PHTF1: variants seen among roughly 807,000 people sequenced by gnomAD.
The protein encoded by PHTF1 is protein PHTF1.
Under a neutral mutation model 102.4 loss-of-function variants are expected in PHTF1, and 88 were observed. The observed-to-expected ratio is 0.86, with a 90% CI of 0.72 to 1.03. PHTF1 has a LOEUF of 1.03. PHTF1 is among the 50% of genes least tolerant of loss of function. The pLI, the probability that PHTF1 is intolerant of heterozygous loss-of-function variation, is 0.00. For missense variants in PHTF1, 814 were observed against 909.5 expected (o/e 0.89, Z 1.35); for synonymous variants, 289 against 305.2 (o/e 0.95, Z 0.55).
intron 7 of PHTF1, among the ~76,000 whole-genome samples, chr1:113,717,489 A>G (rs1458673534): frequency 6.6e-6 from 1 of 152,238 alleles, no homozygotes; most frequent in Non-Finnish European, 1.5e-5. Flanking sequence ...ACTTTATAAA[A>G]GATACACACA....
At chr1:113,755,349 T>C (rs182675438) in intron 3 of PHTF1, among the ~76,000 whole-genome samples, 9 of 152,330 alleles carry the variant, frequency 5.9e-5, no homozygotes, top group Non-Finnish European at 1.3e-4. Context: ...GTGAAACCCA[T>C]GAAGGCAACA....
Position 113,735,288 on chromosome 1 carries a change from C to T in PHTF1, c.331+2822G>A, listed in dbSNP as rs140918791. On this transcript the variant is annotated intron_variant, in intron 5 of 18. Transcript: ENST00000369604. ...GGCTGAGGCAAGAGAATCACTTGAA[C>T]CTGGGAGGCAGAGGTTGCAGTGAGC... Among the ~76,000 whole-genome samples the T allele has an allele frequency of 3.3e-3, 466 of 140,828 alleles. 2 individuals carry two copies. Among genetic ancestry groups the T allele is most frequent in the African/African-American group, 0.011 (426 of 37,104 alleles). The allele number at this position is 140,828 out of a possible 152,430, so 92.4% of individuals were successfully genotyped here.
Position 113,697,732 on chromosome 1 carries a change from GAAC to G in PHTF1, c.2269-10_2269-8del. ...ATGATTTAATTTTCCACAGCTAAGA[GAAC>G]AAAATCACCAAAATAAGTTAGTTCT... On this transcript the variant is annotated splice_polypyrimidine_tract_variant and splice_region_variant and intron_variant, in intron 18 of 18. Transcript: ENST00000369604. 6.2e-7 allele frequency: 1 copy of G among 1,601,904 alleles called. No individual in the cohort carries two copies. Among genetic ancestry groups the G allele is most frequent in the Non-Finnish European group, 8.6e-7 (1 of 1,169,078 alleles).
intron 7 of PHTF1, among the ~76,000 whole-genome samples, chr1:113,722,071 G>C (rs1653042024): frequency 6.6e-6 from 1 of 152,114 alleles, no homozygotes; most frequent in Admixed American, 6.6e-5. Context: ...ATTTCTAATA[G>C]TTTCAAATAA....
intron 10 of PHTF1, among the ~76,000 whole-genome samples, chr1:113,710,810 ATTTTTTT>A (rs71590573): frequency 8.2e-6 from 1 of 122,686 alleles, no homozygotes; most frequent in African/African-American, 3.0e-5. Flanking sequence ...ATATATATAT[ATTTTTTT>A]TTTTTTTTTG....
intron 7 of PHTF1, among the ~76,000 whole-genome samples, chr1:113,717,154 TA>T (rs1246358491): frequency 6.6e-6 from 1 of 151,828 alleles, no homozygotes; most frequent in African/African-American, 2.4e-5. Flanking sequence ...GTTACCAGTT[TA>T]AAAAAATAGG....
Position 113,704,575 on chromosome 1 carries a change from C to CAG in PHTF1, c.1803+89_1803+90dup, listed in dbSNP as rs1336377010. ...CTGCTGCTATAATCTGCCTGACACCCAGAACTACACTGTCTACTGAGTAAC... is the reference window on the plus strand; with the variant it reads ...CTGCTGCTATAATCTGCCTGACACCCAGAGAACTACACTGTCTACTGAGTAAC... On this transcript the variant is annotated intron_variant, in intron 14 of 18. Transcript: ENST00000369604. The CAG allele has an allele frequency of 3.5e-6, 3 of 868,434 alleles. No individual in the cohort carries two copies. In the African/African-American group the frequency reaches 5.2e-5, roughly 15 times the overall value. 53.8% of individuals were successfully genotyped at this position (868,434 alleles called of 1,614,324 possible). A position where few individuals can be genotyped will look rare whatever the true frequency, so the allele number is the denominator to read the frequency against.
intron 5 of PHTF1, among the ~76,000 whole-genome samples, chr1:113,731,741 A>C (rs750189118): frequency 4.6e-5 from 7 of 151,566 alleles, no homozygotes; most frequent in African/African-American, 9.7e-5. Context: ...CTAAAAATAC[A>C]AAAAAATTTG....
intron 7 of PHTF1, 34 bp downstream of exon 7, chr1:113,724,723 TAC>T (rs1557936479): frequency 6.5e-7 from 1 of 1,535,390 alleles, no homozygotes; most frequent in East Asian, 2.2e-5. Flanking sequence ...CTGTAAACAC[TAC>T]GTGAATACAA....
chr1:113,731,374 T>C (rs1654608535), intron 5 of PHTF1, among the ~76,000 whole-genome samples: 1 of 149,312 alleles, frequency 6.7e-6, no homozygotes, highest in Non-Finnish European at 1.5e-5. Flanking sequence ...CTCTAAAAAA[T>C]AAAAAATAAA....
Position 113,696,890 on chromosome 1 carries a change from G to T in PHTF1, c.*815C>A, listed in dbSNP as rs562728867. 8 of 152,274 alleles carry T rather than the reference G, an allele frequency of 5.3e-5. No homozygotes were observed. The highest frequency in any genetic ancestry group is 1.7e-4 in the African/African-American group (7 of 41,562). 9.4% of individuals were successfully genotyped at this position (152,274 alleles called of 1,614,324 possible). On this transcript the variant is annotated 3_prime_UTR_variant, in exon 19 of 19. Transcript: ENST00000369604. ...GTTGCACAACTGATAAACTATCAAT[G>T]ATGCTTGTGATAGGACACATAGCAC...
At chr1:113,723,903 A>T (rs1419669308) in intron 7 of PHTF1, among the ~76,000 whole-genome samples, 3 of 151,958 alleles carry the variant, frequency 2.0e-5, no homozygotes, top group African/African-American at 4.8e-5. Flanking sequence ...AGAATATATA[A>T]GGAGTTCAAA....
intron 5 of PHTF1, 107 bp from the exon 6 acceptor site, chr1:113,726,681 C>T: frequency 2.7e-6 from 2 of 740,576 alleles, no homozygotes; most frequent in Non-Finnish European, 4.1e-6. Flanking sequence ...TAAAAAAGTA[C>T]ACAAATAAAT....
chr1:113,715,834 A>G (rs1651930756), intron 7 of PHTF1, among the ~76,000 whole-genome samples: 1 of 151,432 alleles, frequency 6.6e-6, no homozygotes, highest in Admixed American at 6.6e-5. Context: ...GAAGAAATGC[A>G]TCAGAGTCTC....
intron 11 of PHTF1, among the ~76,000 whole-genome samples, chr1:113,709,665 A>G (rs557368110): frequency 1.6e-4 from 25 of 152,326 alleles, no homozygotes; most frequent in African/African-American, 5.3e-4. Context: ...GTATTATGCT[A>G]TGTACTTTAT....
At chr1:113,718,292 G>A (rs886352986) in intron 7 of PHTF1, among the ~76,000 whole-genome samples, 2 of 152,198 alleles carry the variant, frequency 1.3e-5, no homozygotes, top group African/African-American at 2.4e-5. Flanking sequence ...TGATGCAAAA[G>A]GTGGGTTCAC....
intron 5 of PHTF1, among the ~76,000 whole-genome samples, chr1:113,731,946 G>A (rs1021197966): frequency 1.3e-5 from 2 of 149,228 alleles, no homozygotes; most frequent in Non-Finnish European, 3.0e-5. Flanking sequence ...TAAAAGGAGA[G>A]CAATATCATA....
At chr1:113,744,050 A>G (rs1656828572) in intron 3 of PHTF1, among the ~76,000 whole-genome samples, 1 of 152,206 alleles carries the variant, frequency 6.6e-6, no homozygotes, top group Non-Finnish European at 1.5e-5. Flanking sequence ...GAGAGGTTCA[A>G]TGGGCATTAT....
intron 5 of PHTF1, among the ~76,000 whole-genome samples, chr1:113,737,294 GCA>G (rs1017087803): frequency 6.6e-6 from 1 of 152,050 alleles, no homozygotes; most frequent in East Asian, 1.9e-4. Flanking sequence ...TGTGTGCAGC[GCA>G]CACACACACA....
Sources: gnomAD v4.1 joint callset for allele counts (sites outside exome capture counted in the v4.1 genomes callset) on GRCh38, gnomAD v4.1.1 for gene constraint, MANE v1.5 for transcripts, NCBI Gene and HGNC (gene_info 2026-07-23, HGNC 2026-07-21) for gene names.